HSD3B2: variants seen among roughly 807,000 people sequenced by gnomAD.
HSD3B2 encodes hydroxy-delta-5-steroid dehydrogenase, 3 beta- and steroid delta-isomerase 2, also known as 3 beta-hydroxysteroid dehydrogenase/Delta 5-->4-isomerase type 2.
Under a neutral mutation model 9.9 loss-of-function variants are expected in HSD3B2, and 8 were observed. The ratio of observed to expected loss-of-function variants is 0.81; its 90% CI spans 0.47 to 1.46. The LOEUF is 1.46. HSD3B2 is among the 40% of genes most tolerant of loss of function. The probability of loss-of-function intolerance (pLI) is 0.00; values close to 1 mark genes in which losing one functional copy is unlikely to be tolerated. For missense variants in HSD3B2, 410 were observed against 448.3 expected (o/e 0.91, Z 0.77); for synonymous variants, 221 against 184.5 (o/e 1.20, Z -1.60).
intron 3 of HSD3B2, 165 bp downstream of exon 3, chr1:119,419,747 T>A (rs1287523551): frequency 2.9e-6 from 2 of 697,080 alleles, no homozygotes; most frequent in Non-Finnish European, 5.0e-6. Context: ...TAACCTCAGT[T>A]TTTTAGATGA....
Position 119,418,037 on chromosome 1 carries a change from G to T in HSD3B2, c.143-1381G>T, listed in dbSNP as rs150714649. Among the ~76,000 whole-genome samples, 550 of 152,300 alleles carry T rather than the reference G, an allele frequency of 3.6e-3. 5 individuals carry two copies. The highest frequency in any genetic ancestry group is 0.013 in the African/African-American group (526 of 41,566). ...ATTATAAAGCACAAATGAGTGTAGA[G>T]TATTTATCTGAGCTCCATGTAGCAT... is the stretch of plus-strand genomic sequence containing the variant. On this transcript the variant is annotated intron_variant, in intron 2 of 3. Transcript: ENST00000369416.
Position 119,422,766 on chromosome 1 carries a change from T to C in HSD3B2, c.*146T>C. The stretch of plus-strand genomic sequence containing the variant: ...CACAATGCCCAACTTACTGTCTTCT[T>C]CATGTCATCAAAATCTGCACAGTCA... On this transcript the variant is annotated 3_prime_UTR_variant, in exon 4 of 4. Coordinates refer to ENST00000369416, the MANE Select transcript of HSD3B2 (RefSeq NM_000198.4). 1 of 953,298 alleles carries C rather than the reference T, an allele frequency of 1.0e-6. No homozygotes were observed. Among genetic ancestry groups the C allele is most frequent in the Non-Finnish European group, 1.6e-6 (1 of 613,760 alleles). 59.1% of individuals were successfully genotyped at this position (953,298 alleles called of 1,614,324 possible). A position where few individuals can be genotyped will look rare whatever the true frequency, so the allele number is the denominator to read the frequency against.
chr1:119,419,828 T>C (rs996292672), intron 3 of HSD3B2: 8 of 504,458 alleles, frequency 1.6e-5, no homozygotes, highest in Non-Finnish European at 2.5e-5. Flanking sequence ...GTAGGAGAGT[T>C]AGACTTTAAA....
At chr1:119,418,856 T>C (rs1477174358) in intron 2 of HSD3B2, among the ~76,000 whole-genome samples, 2 of 151,974 alleles carry the variant, frequency 1.3e-5, no homozygotes, top group Non-Finnish European at 2.9e-5. Flanking sequence ...TTTGCCATGT[T>C]TTCCAGCCAG....
At chr1:119,419,894 C>A in intron 3 of HSD3B2, 1 of 369,006 alleles carries the variant, frequency 2.7e-6, no homozygotes, top group Non-Finnish European at 5.2e-6. Context: ...TGGCCCCAAT[C>A]AAAAGTCAAC....
chr1:119,421,758 C>T (rs147399687), intron 3 of HSD3B2, 51 bp from the exon 4 acceptor site: 3 of 1,601,886 alleles, frequency 1.9e-6, no homozygotes, highest in Admixed American at 1.7e-5. Context: ...CATGTGGTTG[C>T]AGCTCCTTTG....
At chr1:119,419,604 AT>A (rs764471974) in intron 3 of HSD3B2, 22 bp downstream of exon 3, 47 of 1,611,820 alleles carry the variant, frequency 2.9e-5, no homozygotes, top group Non-Finnish European at 4.0e-5. Flanking sequence ...TGGGGAGGAG[AT>A]AAAACAAGTT....
At position 119,422,955 on chromosome 1, in the gene HSD3B2, C is replaced by G. The variant is rs1016074008; in HGVS notation, c.*335C>G. ...CCATTTCCCCTCTTAAATGAGAAAG[C>G]ATTTCTTTTCTCTTTAATCTCCTAT... On this transcript the variant is annotated 3_prime_UTR_variant, in exon 4 of 4. Transcript: ENST00000369416. 6 of 448,292 alleles carry G rather than the reference C, an allele frequency of 1.3e-5. No homozygotes were observed. The highest frequency in any genetic ancestry group is 2.4e-5 in the Non-Finnish European group (6 of 246,208). 27.8% of individuals were successfully genotyped at this position (448,292 alleles called of 1,614,324 possible). A position where few individuals can be genotyped will look rare whatever the true frequency, so the allele number is the denominator to read the frequency against.
Position 119,415,377 on chromosome 1 carries a change from C to T in HSD3B2, c.-43C>T, listed in dbSNP as rs778397232. The T allele has an allele frequency of 6.2e-7, 1 of 1,610,426 alleles. No individual in the cohort carries two copies. The highest frequency in any genetic ancestry group is 1.3e-5 in the African/African-American group (1 of 74,850). On this transcript the variant is annotated 5_prime_UTR_variant, in exon 2 of 4. Transcript: ENST00000369416. ...AATCAGATCTGCTCTCCAGCATCTT[C>T]TGTTTCCTGGCAAGTGTTTCCTGCT...
intron 2 of HSD3B2, among the ~76,000 whole-genome samples, chr1:119,418,168 T>C (rs1029696845): frequency 6.6e-6 from 1 of 152,232 alleles, no homozygotes; most frequent in Non-Finnish European, 1.5e-5. Context: ...CCGCTGCCCT[T>C]GGCTAGACAT....
chr1:119,416,305 A>C (rs1651708213), intron 2 of HSD3B2, among the ~76,000 whole-genome samples: 1 of 152,170 alleles, frequency 6.6e-6, no homozygotes, highest in East Asian at 1.9e-4. Flanking sequence ...TTTCTCATAT[A>C]TAGCCTTTTT....
intron 3 of HSD3B2, 151 bp downstream of exon 3, chr1:119,419,733 C>A: frequency 1.3e-6 from 1 of 758,104 alleles, no homozygotes; most frequent in Non-Finnish European, 2.2e-6. Flanking sequence ...GAGTTCAAGG[C>A]TGGTAACCTC....
chr1:119,422,649 G>T lies in HSD3B2; in HGVS notation c.*29G>T, dbSNP rs1651925280. ...AAGGATGACAGAGATGTGCATGTGG[G>T]TATTGTTAGGAAATGTCATCAAACT... On this transcript the variant is annotated 3_prime_UTR_variant, in exon 4 of 4. Coordinates refer to ENST00000369416, the MANE Select transcript of HSD3B2 (RefSeq NM_000198.4). 1 of 1,611,484 alleles carries T rather than the reference G, an allele frequency of 6.2e-7. No homozygotes were observed. Among genetic ancestry groups the T allele is most frequent in the African/African-American group, 1.3e-5 (1 of 74,882 alleles).
intron 2 of HSD3B2, among the ~76,000 whole-genome samples, chr1:119,416,926 G>A (rs913311027): frequency 8.5e-5 from 13 of 152,220 alleles, no homozygotes; most frequent in South Asian, 4.1e-4. Context: ...TGGTGAAAAT[G>A]CAGGGAGCAT....
chr1:119,421,477 G>GTATATATATATGTA (rs372247413), intron 3 of HSD3B2, among the ~76,000 whole-genome samples: 60 of 49,774 alleles, frequency 1.2e-3, no homozygotes, highest in South Asian at 6.8e-3. Flanking sequence ...ATATATATAT[G>GTATATATATATGTA]TATATATATA....
At chr1:119,415,644 A>G in intron 2 of HSD3B2, 83 bp downstream of exon 2, 3 of 1,467,300 alleles carry the variant, frequency 2.0e-6, no homozygotes, top group Non-Finnish European at 2.9e-6. Context: ...CTAGCAAGTT[A>G]AGGAAAGTTG....
In HSD3B2 at chr1:119,422,568, T is replaced by C; in HGVS notation, c.1067T>C (p.Val356Ala). ...EEAKQKTVEWVGSLVDRHKET... is the reference protein window; with the variant it reads ...EEAKQKTVEWAGSLVDRHKET... The stretch of plus-strand genomic sequence containing the variant: ...GCCAAGCAGAAAACCGTGGAGTGGG[T>C]TGGTTCCCTTGTGGACCGGCACAAG... Residue 356 changes from valine (V) to alanine (A), a missense_variant, in exon 4 of 4, where the codon GTT (valine) becomes GCT (alanine). Val to Ala is a moderately conservative substitution (Grantham distance 64). Transcript: ENST00000369416. The C allele has an allele frequency of 6.2e-7, 1 of 1,614,062 alleles. No homozygotes were observed. The highest frequency in any genetic ancestry group is 8.5e-7 in the Non-Finnish European group (1 of 1,179,994).
chr1:119,415,336 T>C lies in HSD3B2; in HGVS notation c.-84T>C. On this transcript the variant is annotated 5_prime_UTR_variant, in exon 2 of 4. Transcript: ENST00000369416. ...ATTTTACCTCTTGTTTTTAGCCCTC[T>C]TCTGGGTCACGCTAGAATCAGATCT... 16 of 1,461,648 alleles carry C rather than the reference T, an allele frequency of 1.1e-5. No individual in the cohort carries two copies. Among genetic ancestry groups the C allele is most frequent in the Non-Finnish European group, 1.5e-5 (16 of 1,043,688 alleles). 90.5% of individuals were successfully genotyped at this position (1,461,648 alleles called of 1,614,324 possible).
chr1:119,419,410 T>A lies in HSD3B2; in HGVS notation c.143-8T>A, dbSNP rs1232061930. 6.2e-7 allele frequency: 1 copy of A among 1,613,534 alleles called. No homozygotes were observed. Among genetic ancestry groups the A allele is most frequent in the Non-Finnish European group, 8.5e-7 (1 of 1,179,724 alleles). The stretch of plus-strand genomic sequence containing the variant: ...ATCTTTCCAATGACCTGACCTGTGT[T>A]CACACAGAGCTCCAGAACAGGACCA... On this transcript the variant is annotated splice_polypyrimidine_tract_variant and splice_region_variant and intron_variant, in intron 2 of 3. Transcript: ENST00000369416.
Sources: gnomAD v4.1 joint callset for allele counts (sites outside exome capture counted in the v4.1 genomes callset) on GRCh38, gnomAD v4.1.1 for gene constraint, MANE v1.5 for transcripts, NCBI Gene and HGNC (gene_info 2026-07-23, HGNC 2026-07-21) for gene names.